Variants in CLSTN2 observed in about 807,000 individuals in gnomAD.
CLSTN2 encodes calsyntenin 2, also known as calsyntenin-2.
A neutral mutation model predicts 101.2 loss-of-function variants in CLSTN2; 48 were observed. The ratio of observed to expected loss-of-function variants is 0.47; its 90% CI spans 0.38 to 0.60. CLSTN2 has a LOEUF of 0.60. CLSTN2 is among the 20% of genes least tolerant of loss of function. The pLI, the probability that CLSTN2 is intolerant of heterozygous loss-of-function variation, is 0.00. For missense variants in CLSTN2, 1,160 were observed against 1,238.2 expected (o/e 0.94, Z 0.95); for synonymous variants, 481 against 463.6 (o/e 1.04, Z -0.48).
chr3:140,303,483 A>C (rs1401299050), intron 2 of CLSTN2, among the ~76,000 whole-genome samples: 1 of 152,126 alleles, frequency 6.6e-6, no homozygotes, highest in Non-Finnish European at 1.5e-5. Flanking sequence ...TGTAGAAGAG[A>C]AATAATATCT....
chr3:140,547,919 T>C (rs1367212330), intron 10 of CLSTN2, among the ~76,000 whole-genome samples: 1 of 152,176 alleles, frequency 6.6e-6, no homozygotes, highest in Non-Finnish European at 1.5e-5. Context: ...GCTATGAGGG[T>C]TTCTGTCCTT....
intron 1 of CLSTN2, among the ~76,000 whole-genome samples, chr3:140,123,231 G>A (rs2009373053): frequency 6.6e-6 from 1 of 151,828 alleles, no homozygotes; most frequent in African/African-American, 2.4e-5. Flanking sequence ...AAGGTCAAGA[G>A]GGCCCAGTTG....
At chr3:140,516,416 T>C (rs1454166125) in intron 8 of CLSTN2, among the ~76,000 whole-genome samples, 2 of 152,208 alleles carry the variant, frequency 1.3e-5, no homozygotes, top group Admixed American at 1.3e-4. Flanking sequence ...CATAGTTTTT[T>C]GTTTTATAGA....
intron 4 of CLSTN2, among the ~76,000 whole-genome samples, chr3:140,408,002 C>T (rs1425402884): frequency 1.3e-5 from 2 of 152,140 alleles, no homozygotes; most frequent in East Asian, 3.8e-4. Flanking sequence ...AGCCTTCATT[C>T]CCCGACAAAG....
chr3:140,096,898 G>T (rs2008877944), intron 1 of CLSTN2, among the ~76,000 whole-genome samples: 1 of 152,220 alleles, frequency 6.6e-6, no homozygotes, highest in Non-Finnish European at 1.5e-5. Context: ...AGGCAGAGTA[G>T]CTATAGCCAC....
At chr3:140,104,668 T>TA (rs1044812678) in intron 1 of CLSTN2, among the ~76,000 whole-genome samples, 1 of 152,036 alleles carries the variant, frequency 6.6e-6, no homozygotes, top group African/African-American at 2.4e-5. Context: ...TGCTGACAAA[T>TA]AAAAAAATAC....
intron 2 of CLSTN2, among the ~76,000 whole-genome samples, chr3:140,256,661 G>C (rs1175279072): frequency 2.6e-5 from 4 of 152,214 alleles, no homozygotes; most frequent in Non-Finnish European, 1.5e-5. Context: ...TTCTAGGAAA[G>C]GAGTGTTCCT....
chr3:140,204,910 C>A lies in CLSTN2; in HGVS notation c.232+28837C>A, dbSNP rs192492743. On this transcript the variant is annotated intron_variant, in intron 2 of 16. Transcript: ENST00000458420. ...AGGCCACTGGGGAGAGATAGTCAAT[C>A]CCTAAGGACAGTACATTGATGGGCC... 2.6e-5 allele frequency among the ~76,000 whole-genome samples: 4 copies of A among 152,276 alleles called. No homozygotes were observed. In the East Asian group the frequency reaches 7.7e-4, roughly 29 times the overall value.
intron 1 of CLSTN2, among the ~76,000 whole-genome samples, chr3:140,082,348 G>A (rs1455621384): frequency 6.6e-6 from 1 of 152,200 alleles, no homozygotes; most frequent in East Asian, 1.9e-4. Flanking sequence ...TGATGGGAAT[G>A]TGCATTGCTT....
chr3:140,305,538 A>G (rs2107912872), intron 2 of CLSTN2, among the ~76,000 whole-genome samples: 1 of 152,242 alleles, frequency 6.6e-6, no homozygotes, highest in South Asian at 2.1e-4. Flanking sequence ...CTCAGGCAGA[A>G]ATGAGAAGCT....
intron 2 of CLSTN2, among the ~76,000 whole-genome samples, chr3:140,338,209 T>C (rs1435539235): frequency 6.6e-6 from 1 of 152,180 alleles, no homozygotes; most frequent in Non-Finnish European, 1.5e-5. Flanking sequence ...TCTCTCTCTC[T>C]TTCTCTTTGT....
At chr3:140,321,172 G>T (rs1164413597) in intron 2 of CLSTN2, among the ~76,000 whole-genome samples, 1 of 152,160 alleles carries the variant, frequency 6.6e-6, no homozygotes, top group Non-Finnish European at 1.5e-5. Flanking sequence ...TCTATTCTGG[G>T]CAGAGTGCAG....
At chr3:140,298,478 A>T (rs937147931) in intron 2 of CLSTN2, among the ~76,000 whole-genome samples, 1 of 152,198 alleles carries the variant, frequency 6.6e-6, no homozygotes, top group Non-Finnish European at 1.5e-5. Flanking sequence ...AAAGATAAAC[A>T]CTGAAACACA....
rs925897788 is a variant in CLSTN2 at position 140,566,355 on chromosome 3, C to T, written c.*102C>T. On this transcript the variant is annotated 3_prime_UTR_variant, in exon 17 of 17. Transcript: ENST00000458420. ...CTCACCTCTGATGTCTGTGACATGT[C>T]TGGGAAGGCCTTCTCCAGCTTCCTG... 32 of 1,192,138 alleles carry T rather than the reference C, an allele frequency of 2.7e-5. No homozygotes were observed. The South Asian group carries it at 3.1e-4, about 12-fold the overall frequency. The allele number at this position is 1,192,138 out of a possible 1,614,324, so 73.8% of individuals were successfully genotyped here.
intron 8 of CLSTN2, among the ~76,000 whole-genome samples, chr3:140,499,598 T>TGCAGGAGA (rs1461397190): frequency 6.6e-6 from 1 of 152,170 alleles, no homozygotes; most frequent in African/African-American, 2.4e-5. Context: ...CTGCTCTTTA[T>TGCAGGAGA]GCAGGACAGC....
chr3:140,103,478 G>T (rs1338872739), intron 1 of CLSTN2, among the ~76,000 whole-genome samples: 1 of 152,170 alleles, frequency 6.6e-6, no homozygotes, highest in Non-Finnish European at 1.5e-5. Flanking sequence ...ATCATCATAG[G>T]CTTTTTGTGG....
At chr3:139,981,801 G>T (rs1215443675) in intron 1 of CLSTN2, among the ~76,000 whole-genome samples, 1 of 152,200 alleles carries the variant, frequency 6.6e-6, no homozygotes, top group African/African-American at 2.4e-5. Flanking sequence ...AATGCCCTGA[G>T]AGCCTCTATC....
intron 8 of CLSTN2, among the ~76,000 whole-genome samples, chr3:140,469,608 C>T (rs1425012344): frequency 2.6e-5 from 4 of 152,208 alleles, no homozygotes; most frequent in Non-Finnish European, 1.5e-5. Context: ...GAACTCCATC[C>T]CCATTCCTAC....
chr3:140,393,158 G>T (rs900174748), intron 2 of CLSTN2, among the ~76,000 whole-genome samples: 1 of 152,012 alleles, frequency 6.6e-6, no homozygotes, highest in African/African-American at 2.4e-5. Context: ...ATTTTGGAGG[G>T]GACAAACATT....
Sources: gnomAD v4.1 joint callset for allele counts (sites outside exome capture counted in the v4.1 genomes callset) on GRCh38, gnomAD v4.1.1 for gene constraint, MANE v1.5 for transcripts, NCBI Gene and HGNC (gene_info 2026-07-23, HGNC 2026-07-21) for gene names.